The following GDA variants were observed in gnomAD, a reference collection of about 807,000 sequenced individuals.
The protein encoded by GDA is cytoplasmic PSD-95 interactor.
GDA carries 18 observed loss-of-function variants against 59.6 expected under a neutral mutation model. The ratio of observed to expected loss-of-function variants is 0.30; its 90% CI spans 0.21 to 0.45. The LOEUF (loss-of-function observed/expected upper bound fraction) is 0.45. Among genes scored for constraint, GDA ranks in the 20% least tolerant of loss-of-function variants. The pLI is 1.00. For missense variants in GDA, 427 were observed against 552.3 expected (o/e 0.77, Z 2.27); for synonymous variants, 201 against 201.1 (o/e 1.00, Z 0.00).
At chr9:72,136,822 A>C (rs1318219477) in intron 1 of GDA, among the ~76,000 whole-genome samples, 1 of 152,076 alleles carries the variant, frequency 6.6e-6, no homozygotes, top group African/African-American at 2.4e-5. Flanking sequence ...AAAAATACAA[A>C]AAATTAGCCG....
intron 13 of GDA, 83 bp from the exon 14 acceptor site, chr9:72,248,189 T>A: frequency 1.1e-6 from 1 of 929,542 alleles, no homozygotes; most frequent in Non-Finnish European, 1.8e-6. Flanking sequence ...GAAGTATCTT[T>A]AAAAAAAATC....
chr9:72,190,314 A>T lies in GDA; in HGVS notation c.124-5186A>T, dbSNP rs1341352294. 2.0e-5 allele frequency among the ~76,000 whole-genome samples: 3 copies of T among 152,178 alleles called. No homozygotes were observed. In the East Asian group the frequency reaches 5.8e-4, roughly 29 times the overall value. The stretch of plus-strand genomic sequence containing the variant: ...GCTAATTTTTGTATTTTTAGTAGAG[A>T]TGGGGTTTCACCATGTTGGCCAGGC... On this transcript the variant is annotated intron_variant, in intron 1 of 13. Transcript: ENST00000358399.
intron 8 of GDA, among the ~76,000 whole-genome samples, chr9:72,226,061 C>T (rs1264406976): frequency 6.6e-6 from 1 of 150,920 alleles, no homozygotes; most frequent in African/African-American, 2.4e-5. Context: ...GAAGTTTCAT[C>T]TTAGTGAATT....
intron 11 of GDA, among the ~76,000 whole-genome samples, chr9:72,241,903 AAATT>A (rs1839655904): frequency 6.6e-6 from 1 of 152,158 alleles, no homozygotes; most frequent in Admixed American, 6.5e-5. Context: ...CCAAATAAAT[AAATT>A]AAAGAATCCA....
chr9:72,221,334 C>T (rs1022490122), intron 6 of GDA, among the ~76,000 whole-genome samples: 6 of 152,202 alleles, frequency 3.9e-5, no homozygotes, highest in Non-Finnish European at 7.3e-5. Flanking sequence ...AATGTGGTGG[C>T]AGAGGAGCAT....
chr9:72,140,445 C>T (rs77435949), intron 1 of GDA, among the ~76,000 whole-genome samples: 18,109 of 152,080 alleles, frequency 0.12, 2,238 homozygotes, highest in African/African-American at 0.31. Context: ...ATTGAACCTA[C>T]AACAAAGCTG....
At chr9:72,245,062 T>A in intron 11 of GDA, 86 bp from the exon 12 acceptor site, 2 of 1,341,332 alleles carry the variant, frequency 1.5e-6, no homozygotes, top group Non-Finnish European at 1.0e-6. Flanking sequence ...TAGCGACATG[T>A]TGGCAAAATC....
Position 72,213,735 on chromosome 9 carries a change from G to A in GDA, c.473-151G>A, listed in dbSNP as rs1378321844. 54 of 472,702 alleles carry A rather than the reference G, an allele frequency of 1.1e-4. 1 individual carries two copies. The highest frequency in any genetic ancestry group is 9.8e-4 in the Admixed American group (29 of 29,528). The allele number at this position is 472,702 out of a possible 1,614,324, so 29.3% of individuals were successfully genotyped here. ...GGAGAATGGCATGAACCTGGGAGGC[G>A]GAGCTTGCAGTGAGCCGAGATTGCG... is the stretch of plus-strand genomic sequence containing the variant. On this transcript the variant is annotated intron_variant, in intron 4 of 13. Transcript: ENST00000358399.
chr9:72,222,600 G>A (rs968606843), intron 6 of GDA, among the ~76,000 whole-genome samples: 3 of 152,020 alleles, frequency 2.0e-5, no homozygotes, highest in Non-Finnish European at 2.9e-5. Context: ...TACTTTTGTT[G>A]CAATTGCTTC....
At chr9:72,181,070 T>C (rs1831144119) in intron 1 of GDA, among the ~76,000 whole-genome samples, 1 of 152,254 alleles carries the variant, frequency 6.6e-6, no homozygotes, top group Non-Finnish European at 1.5e-5. Context: ...TAGCATTTAT[T>C]GTGAGTAGAA....
At chr9:72,229,171 T>TAAAAAAAAAAAA (rs34554102) in intron 9 of GDA, 7 of 42,104 alleles carry the variant, frequency 1.7e-4, no homozygotes, top group African/African-American at 6.1e-4. Context: ...CAGTCTCTAC[T>TAAAAAAAAAAAA]AAAAAAAAAA....
chr9:72,224,606 T>G (rs929324043), intron 7 of GDA, among the ~76,000 whole-genome samples: 6 of 152,148 alleles, frequency 3.9e-5, no homozygotes, highest in African/African-American at 1.4e-4. Context: ...CTAGCTCAGC[T>G]ATTTTCAAAC....
At chr9:72,122,497 T>C (rs1289754176) in intron 1 of GDA, among the ~76,000 whole-genome samples, 2 of 114,166 alleles carry the variant, frequency 1.8e-5, no homozygotes, top group African/African-American at 5.2e-5. Context: ...ATTATTAATA[T>C]TGTAACTCTG....
intron 1 of GDA, among the ~76,000 whole-genome samples, chr9:72,165,971 G>A (rs1157725006): frequency 6.6e-6 from 1 of 151,926 alleles, no homozygotes; most frequent in Non-Finnish European, 1.5e-5. Context: ...TTCCCCAAGG[G>A]AAGAGAGAAA....
intron 4 of GDA, 21 bp from the exon 5 acceptor site, chr9:72,213,865 C>CT: frequency 7.7e-7 from 1 of 1,295,662 alleles, no homozygotes; most frequent in Non-Finnish European, 1.1e-6. Flanking sequence ...CCTTCATATT[C>CT]TTTTTGTGTA....
intron 5 of GDA, among the ~76,000 whole-genome samples, chr9:72,216,869 G>T (rs945005402): frequency 1.3e-5 from 2 of 152,032 alleles, no homozygotes; most frequent in Non-Finnish European, 2.9e-5. Context: ...TAGAGACAGG[G>T]TTTCACTGTG....
chr9:72,214,725 T>C (rs1587678447), intron 5 of GDA: 1 of 347,910 alleles, frequency 2.9e-6, no homozygotes, highest in Non-Finnish European at 5.5e-6. Context: ...AAAGTTCTTT[T>C]TTTTTTTTCT....
intron 1 of GDA, among the ~76,000 whole-genome samples, chr9:72,117,758 T>G (rs1310225471): frequency 6.6e-6 from 1 of 152,082 alleles, no homozygotes; most frequent in Non-Finnish European, 1.5e-5. Flanking sequence ...ACCTCCCAAT[T>G]GGCGAGGAGG....
chr9:72,198,493 C>T (rs1336721282), intron 2 of GDA, among the ~76,000 whole-genome samples: 4 of 149,132 alleles, frequency 2.7e-5, no homozygotes, highest in African/African-American at 7.4e-5. Flanking sequence ...GAGCCGAGAT[C>T]GCACCACTGC....
Sources: gnomAD v4.1 joint callset for allele counts (sites outside exome capture counted in the v4.1 genomes callset) on GRCh38, gnomAD v4.1.1 for gene constraint, MANE v1.5 for transcripts, NCBI Gene and HGNC (gene_info 2026-07-23, HGNC 2026-07-21) for gene names.